Variants in DIS3L observed in about 807,000 individuals in gnomAD.
The protein encoded by DIS3L is DIS3-like exonuclease 1.
A neutral mutation model predicts 120.3 loss-of-function variants in DIS3L; 100 were observed. The ratio of observed to expected loss-of-function variants is 0.83; its 90% CI spans 0.71 to 0.98. The LOEUF (loss-of-function observed/expected upper bound fraction) is 0.98, where lower values mean the gene tolerates loss of function less well. Among genes scored for constraint, DIS3L ranks in the 50% least tolerant of loss-of-function variants. DIS3L has a pLI of 0.00. For missense variants in DIS3L, 1,196 were observed against 1,314.2 expected (o/e 0.91, Z 1.39); for synonymous variants, 426 against 470.6 (o/e 0.91, Z 1.23).
intron 7 of DIS3L, 142 bp downstream of exon 7, chr15:66,315,357 A>G (rs1194084485): frequency 1.2e-6 from 1 of 838,796 alleles, no homozygotes; most frequent in East Asian, 2.8e-5. Context: ...ATTGTGTATA[A>G]TATGATGATT....
chr15:66,306,886 A>T lies in DIS3L; in HGVS notation c.356A>T (p.Asn119Ile). The change falls in exon 3 of 17, where the codon AAT becomes ATT. Residue 119 changes from asparagine to isoleucine, a missense_variant. Coordinates refer to ENST00000319212, the MANE Select transcript of DIS3L (RefSeq NM_001143688.3). ...DARHDCILFA[N>I]EFQQCCYLPR... ...CGTCATGATTGCATTCTCTTTGCTA[A>T]TGAATTCCAGCAATGCTGCTATCTG... The T allele has an allele frequency of 6.2e-7, 1 of 1,614,202 alleles. No individual in the cohort carries two copies. The highest frequency in any genetic ancestry group is 8.5e-7 in the Non-Finnish European group (1 of 1,180,032).
chr15:66,316,737 C>T (rs1420568827), intron 7 of DIS3L, among the ~76,000 whole-genome samples: 2 of 152,166 alleles, frequency 1.3e-5, no homozygotes, highest in Non-Finnish European at 2.9e-5. Flanking sequence ...ATCGCTTGAA[C>T]CTAGGAGGCG....
At chr15:66,324,090 A>AT (rs2092913218) in intron 11 of DIS3L, among the ~76,000 whole-genome samples, 1 of 152,204 alleles carries the variant, frequency 6.6e-6, no homozygotes, top group African/African-American at 2.4e-5. Context: ...CCAGTTCCGT[A>AT]TTAGTTTTTC....
At chr15:66,301,043 G>A (rs2092642213) in intron 2 of DIS3L, among the ~76,000 whole-genome samples, 1 of 152,150 alleles carries the variant, frequency 6.6e-6, no homozygotes, top group Non-Finnish European at 1.5e-5. Flanking sequence ...CTTTCCACTG[G>A]TGTGGGACTC....
In DIS3L at chr15:66,332,807, G is replaced by A. The variant is rs746271823; in HGVS notation, c.2753G>A (p.Cys918Tyr). The change falls in exon 16 of 17, where the codon TGT becomes TAT. Residue 918 changes from cysteine (C) to tyrosine (Y), a missense_variant. By Grantham distance (194) the Cys-to-Tyr change is radical. Coordinates refer to ENST00000319212, the MANE Select transcript of DIS3L (RefSeq NM_001143688.3). ...GLVISCGPDS[C>Y]SEWKPGSLQR... ...GTCATCTCATGTGGCCCAGATAGCT[G>A]TTCTGAATGGAAACCAGGATCCCTT... 3.7e-6 allele frequency: 6 copies of A among 1,613,816 alleles called. No homozygotes were observed. Among genetic ancestry groups the A allele is most frequent in the Middle Eastern group, 1.6e-4 (1 of 6,080 alleles).
intron 1 of DIS3L, chr15:66,294,585 C>T: frequency 1.0e-6 from 1 of 958,270 alleles, no homozygotes; most frequent in Non-Finnish European, 1.2e-6. Flanking sequence ...TGAGCACGTG[C>T]AGAAGCTTGA....
rs528420858 is a variant in DIS3L at position 66,313,828 on chromosome 15, GAAA to G, written c.736-207_736-205del. Among the ~76,000 whole-genome samples the G allele has an allele frequency of 8.8e-3, 1,292 of 146,216 alleles. 28 individuals are homozygous for G. The highest frequency in any genetic ancestry group is 0.033 in the African/African-American group (1,228 of 37,564). ...GTGTGTGTGTACATCTCGAAAAAAA[GAAA>G]AAAGTGTATATGTGTGTGCGTATAT... On this transcript the variant is annotated intron_variant, in intron 5 of 16. Transcript: ENST00000319212.
At chr15:66,306,800 T>C in intron 2 of DIS3L, 24 bp from the exon 3 acceptor site, 1 of 1,612,988 alleles carries the variant, frequency 6.2e-7, no homozygotes, top group Non-Finnish European at 8.5e-7. Flanking sequence ...TTTGTTAGAG[T>C]TATTTTTCTC....
At chr15:66,327,319 C>G (rs1299223651) in intron 12 of DIS3L, among the ~76,000 whole-genome samples, 2 of 152,078 alleles carry the variant, frequency 1.3e-5, no homozygotes, top group East Asian at 3.9e-4. Flanking sequence ...AGAAATAATC[C>G]TATTTATTTC....
chr15:66,322,489 T>C (rs2092895059), intron 9 of DIS3L, among the ~76,000 whole-genome samples, 198 bp from the exon 10 acceptor site: 1 of 152,164 alleles, frequency 6.6e-6, no homozygotes, highest in African/African-American at 2.4e-5. Flanking sequence ...CTCCTGACTT[T>C]CCAGAGCCCA....
Position 66,320,733 on chromosome 15 carries a change from G to A in DIS3L, c.1326+1G>A. 1 of 1,610,880 alleles carries A rather than the reference G, an allele frequency of 6.2e-7. No individual in the cohort carries two copies. The highest frequency in any genetic ancestry group is 8.5e-7 in the Non-Finnish European group (1 of 1,178,900). ...AGTTATTCCTTTCTCAGAAGCTCAG[G>A]TCAGATTTTCCAGAAGGCTTTGATC... On this transcript the variant is annotated splice_donor_variant, in intron 9 of 16. Coordinates refer to ENST00000319212, the MANE Select transcript of DIS3L (RefSeq NM_001143688.3). LOFTEE classifies it high-confidence loss of function.
chr15:66,314,207 T>TA, intron 6 of DIS3L, 90 bp downstream of exon 6: 1 of 1,101,736 alleles, frequency 9.1e-7, no homozygotes, highest in East Asian at 3.0e-5. Context: ...TGTCATGTCA[T>TA]ATGTGCCCTG....
intron 8 of DIS3L, 38 bp downstream of exon 8, chr15:66,318,656 CT>C (rs751128204): frequency 6.3e-7 from 1 of 1,594,410 alleles, no homozygotes; most frequent in South Asian, 1.1e-5. Flanking sequence ...GATCTCTACG[CT>C]TTCTCCTTCT....
At chr15:66,294,088 T>G (rs1324572527) in intron 1 of DIS3L, 2 of 985,742 alleles carry the variant, frequency 2.0e-6, no homozygotes, top group African/African-American at 1.7e-5. Flanking sequence ...CGTGGAGAAA[T>G]GGGGAGGTCC....
chr15:66,295,516 T>C (rs2092576893), intron 2 of DIS3L, among the ~76,000 whole-genome samples: 1 of 152,258 alleles, frequency 6.6e-6, no homozygotes, highest in African/African-American at 2.4e-5. Context: ...CGTTCTTTTC[T>C]TGGGGAAAAG....
chr15:66,333,456 C>A lies in DIS3L; in HGVS notation c.*144C>A. On this transcript the variant is annotated 3_prime_UTR_variant, in exon 17 of 17. Coordinates refer to ENST00000319212, the MANE Select transcript of DIS3L (RefSeq NM_001143688.3). ...TATATGTAAAATGTTCTCAGCCGGG[C>A]ACGGTGGCTCACGCCTGTAACCCCA... 1.2e-6 allele frequency: 1 copy of A among 866,870 alleles called. No homozygotes were observed. The highest frequency in any genetic ancestry group is 1.7e-6 in the Non-Finnish European group (1 of 592,622). 53.7% of individuals were successfully genotyped at this position (866,870 alleles called of 1,614,324 possible).
intron 8 of DIS3L, 119 bp from the exon 9 acceptor site, chr15:66,320,452 T>G: frequency 9.0e-7 from 1 of 1,115,340 alleles, no homozygotes; most frequent in Non-Finnish European, 1.2e-6. Flanking sequence ...ACACCACTAT[T>G]TGCACCTGGC....
At chr15:66,318,403 T>C (rs769772088) in intron 7 of DIS3L, 46 bp from the exon 8 acceptor site, 11 of 1,589,874 alleles carry the variant, frequency 6.9e-6, no homozygotes, top group African/African-American at 1.3e-5. Context: ...TCCAGATAGA[T>C]GGCACCTAAC....
intron 2 of DIS3L, among the ~76,000 whole-genome samples, chr15:66,297,717 T>C (rs930073361): frequency 6.6e-6 from 1 of 152,210 alleles, no homozygotes; most frequent in African/African-American, 2.4e-5. Flanking sequence ...TCCAATATGC[T>C]TTTAGGAACA....
Sources: allele counts gnomAD v4.1 joint callset (sites outside exome capture counted in the v4.1 genomes callset), GRCh38; gene constraint gnomAD v4.1.1; transcripts MANE v1.5; gene names NCBI Gene and HGNC (gene_info 2026-07-23, HGNC 2026-07-21).